Variants in MACROH2A1 observed in about 807,000 individuals in gnomAD.
MACROH2A1 encodes the protein macroH2A.1 histone, also known as core histone macro-H2A.1.
MACROH2A1 carries 2 observed loss-of-function variants against 31.6 expected under a neutral mutation model. That is an observed-to-expected ratio of 0.06 (90% confidence interval 0.03 to 0.20). The LOEUF is 0.20. Ranked by LOEUF, MACROH2A1 falls within the 10% of genes least tolerant of loss-of-function variation. The pLI, the probability that MACROH2A1 is intolerant of heterozygous loss-of-function variation, is 1.00. For missense variants in MACROH2A1, 230 were observed against 474.0 expected (o/e 0.49, Z 4.78); for synonymous variants, 169 against 189.6 (o/e 0.89, Z 0.89).
intron 4 of MACROH2A1, among the ~76,000 whole-genome samples, chr5:135,368,853 C>T (rs942721741): frequency 3.9e-5 from 6 of 152,160 alleles, no homozygotes; most frequent in African/African-American, 7.2e-5. Flanking sequence ...AGAGGGTTTC[C>T]AGCACCTAGG....
intron 2 of MACROH2A1, among the ~76,000 whole-genome samples, chr5:135,371,870 T>C (rs1025240301): frequency 1.3e-5 from 2 of 152,154 alleles, no homozygotes; most frequent in African/African-American, 2.4e-5. Context: ...ATGAAATAAC[T>C]AGGAAGAAAA....
At chr5:135,399,868 G>A (rs1768591843), upstream of MACROH2A1, 1 of 152,244 alleles carries the variant, frequency 6.6e-6, no homozygotes, top group Non-Finnish European at 1.5e-5. The surrounding 1 kb of genome is among the most constrained non-coding windows in gnomAD (Gnocchi z 4.5). Context: ...CCCAAGTTGG[G>A]AATTACTAAT....
chr5:135,370,496 G>A (rs1177428528), intron 2 of MACROH2A1, among the ~76,000 whole-genome samples: 1 of 152,170 alleles, frequency 6.6e-6, no homozygotes, highest in East Asian at 1.9e-4. Context: ...TGTCACCAGG[G>A]CCAAACCCAA....
intron 1 of MACROH2A1, among the ~76,000 whole-genome samples, chr5:135,392,479 C>G (rs902788350): frequency 6.6e-6 from 1 of 152,180 alleles, no homozygotes; most frequent in Non-Finnish European, 1.5e-5. Context: ...GCACTTCTAA[C>G]TATAGTTCCC....
At chr5:135,338,595 A>T (rs1759214097) in intron 8 of MACROH2A1, among the ~76,000 whole-genome samples, 1 of 152,228 alleles carries the variant, frequency 6.6e-6, no homozygotes, top group Non-Finnish European at 1.5e-5. Context: ...GTGGGCATGC[A>T]GCAGCAGGGG....
At chr5:135,385,199 A>G (rs1766225767) in intron 2 of MACROH2A1, among the ~76,000 whole-genome samples, 1 of 152,196 alleles carries the variant, frequency 6.6e-6, no homozygotes, top group Admixed American at 6.5e-5. Context: ...CACCTCTAAG[A>G]GTCTGGGCCA....
At chr5:135,341,908 G>A (rs1476904597) in intron 8 of MACROH2A1, among the ~76,000 whole-genome samples, 1 of 152,228 alleles carries the variant, frequency 6.6e-6, no homozygotes, top group East Asian at 1.9e-4. Flanking sequence ...TTCCTTGGGT[G>A]CTGGGAGGGG....
rs1033010449 is a variant in MACROH2A1 at position 135,364,593 on chromosome 5, C to G, written c.478-3986G>C. Among the ~76,000 whole-genome samples the G allele has an allele frequency of 2.0e-5, 3 of 152,184 alleles. 1 individual carries two copies. The highest frequency in any genetic ancestry group is 2.0e-4 in the Admixed American group (3 of 15,282). On this transcript the variant is annotated intron_variant, in intron 4 of 8. Coordinates refer to ENST00000511689, the MANE Select transcript of MACROH2A1 (RefSeq NM_138610.3). ...CCCATAAATTTCCATGTATTGGACA[C>G]TCGCCCAGCTTTGTTCTGAGCAGCA...
chr5:135,382,980 C>T (rs1448299605), intron 2 of MACROH2A1, among the ~76,000 whole-genome samples: 2 of 152,206 alleles, frequency 1.3e-5, no homozygotes, highest in Non-Finnish European at 2.9e-5. Flanking sequence ...CTATGCTGCA[C>T]CTTCACGTCT....
At chr5:135,393,281 C>T in intron 1 of MACROH2A1, among the ~76,000 whole-genome samples, 1 of 152,158 alleles carries the variant, frequency 6.6e-6, no homozygotes, top group East Asian at 1.9e-4. Flanking sequence ...GCAAATGGGG[C>T]ACATCACTTC....
intron 1 of MACROH2A1, among the ~76,000 whole-genome samples, chr5:135,395,525 C>T (rs1767850448): frequency 6.6e-6 from 1 of 152,192 alleles, no homozygotes; most frequent in South Asian, 2.1e-4. Context: ...GTCACCTTCC[C>T]ATCAACTCCA....
intron 6 of MACROH2A1, among the ~76,000 whole-genome samples, chr5:135,348,640 A>G (rs1417605880): frequency 7.9e-5 from 12 of 152,250 alleles, no homozygotes; most frequent in Admixed American, 7.9e-4. Context: ...AATTGAGGCC[A>G]TGTAGGAATC....
At chr5:135,364,021 G>C (rs1037430999) in intron 4 of MACROH2A1, among the ~76,000 whole-genome samples, 1 of 151,988 alleles carries the variant, frequency 6.6e-6, no homozygotes, top group Admixed American at 6.5e-5. Flanking sequence ...TGATGGGGTT[G>C]ATTTTTTCTT....
Position 135,343,322 on chromosome 5 carries a change from G to A in MACROH2A1, c.891C>T (p.Cys297=), listed in dbSNP as rs1490785609. The change falls in exon 8 of 9, where the codon TGC becomes TGT. Residue 297 remains cysteine, a synonymous_variant. Transcript: ENST00000511689. The part of the protein sequence containing the change: ...EELLEKTVKN[C]LALADDKKLK... Reference sequence around the variant, plus strand: ...GCTTCTTATCATCAGCCAGGGCCAAGCAGTTTTTCACTGTCTTTTCCAGAA... The same window carrying A: ...GCTTCTTATCATCAGCCAGGGCCAAACAGTTTTTCACTGTCTTTTCCAGAA... The A allele has an allele frequency of 4.3e-6, 7 of 1,614,098 alleles. No individual in the cohort carries two copies. Among genetic ancestry groups the A allele is most frequent in the Non-Finnish European group, 5.9e-6 (7 of 1,180,040 alleles).
intron 8 of MACROH2A1, among the ~76,000 whole-genome samples, chr5:135,339,197 C>CCTTTGCCT: frequency 6.6e-6 from 1 of 152,186 alleles, no homozygotes. Flanking sequence ...TCTGTAATGC[C>CCTTTGCCT]CTTTGCCTTT....
chr5:135,335,232 C>T, intron 8 of MACROH2A1, 91 bp from the exon 9 acceptor site: 1 of 948,976 alleles, frequency 1.1e-6, no homozygotes, highest in Non-Finnish European at 1.7e-6. Context: ...CTCTGTGCTG[C>T]AGCTTGCCTT....
chr5:135,335,635 A>G (rs1461005692), intron 8 of MACROH2A1, among the ~76,000 whole-genome samples: 2 of 150,862 alleles, frequency 1.3e-5, no homozygotes. Flanking sequence ...ACCCTCTAAC[A>G]CACACCAGCG....
Position 135,360,581 on chromosome 5 carries a change from T to C in MACROH2A1, c.504A>G (p.Ala168=), listed in dbSNP as rs765618916. The C allele has an allele frequency of 2.5e-6, 4 of 1,613,892 alleles. No homozygotes were observed. In the South Asian group the frequency reaches 3.3e-5, roughly 13 times the overall value. Residue 168 remains alanine (A), a synonymous_variant, in exon 5 of 9, where the codon GCA becomes GCG. Coordinates refer to ENST00000511689, the MANE Select transcript of MACROH2A1 (RefSeq NM_138610.3). The part of the protein sequence containing the change: ...SKKKQGEVSK[A]ASADSTTEGT... ...CCTCGGTTGTGCTGTCGGCGCTGGCTGCCTTACTGACTTCACCCTGCTTCT... is the reference window on the plus strand; with the variant it reads ...CCTCGGTTGTGCTGTCGGCGCTGGCCGCCTTACTGACTTCACCCTGCTTCT...
intron 2 of MACROH2A1, among the ~76,000 whole-genome samples, chr5:135,382,908 T>C (rs549461295): frequency 6.6e-6 from 1 of 152,314 alleles, no homozygotes; most frequent in African/African-American, 2.4e-5. Context: ...AAGAACCAGA[T>C]AAAAACTGTT....
Sources: allele counts gnomAD v4.1 joint callset (sites outside exome capture counted in the v4.1 genomes callset), GRCh38; gene constraint gnomAD v4.1.1; non-coding constraint Gnocchi (gnomAD v3.1); transcripts MANE v1.5; gene names NCBI Gene and HGNC (gene_info 2026-07-23, HGNC 2026-07-21).